The following RSF1 variants were observed in gnomAD, a reference collection of about 807,000 sequenced individuals.
RSF1 encodes HBV pX-associated protein 8.
In RSF1, 13 loss-of-function variants were observed where a neutral mutation model predicts 145.2. That is an observed-to-expected ratio of 0.09 (90% CI 0.06 to 0.14). The LOEUF (loss-of-function observed/expected upper bound fraction) is 0.14, where lower values mean the gene tolerates loss of function less well. Ranked by LOEUF, RSF1 falls within the 10% of genes least tolerant of loss-of-function variation. The probability of loss-of-function intolerance (pLI) is 1.00; values close to 1 mark genes in which losing one functional copy is unlikely to be tolerated. For missense variants in RSF1, 1,517 were observed against 1,718.2 expected, an observed-to-expected ratio of 0.88 and a Z score of 2.07; for synonymous variants, 577 against 592.6, an observed-to-expected ratio of 0.97 and a Z score of 0.38.
intron 1 of RSF1, among the ~76,000 whole-genome samples, chr11:77,791,584 A>G (rs1223504938): frequency 6.6e-6 from 1 of 152,148 alleles, no homozygotes. Flanking sequence ...GAATGCCTTT[A>G]ATAGCACCCA....
At position 77,820,695 on chromosome 11, in the gene RSF1, G is replaced by A; in HGVS notation, c.20C>T (p.Ala7Val). The change falls in exon 1 of 16, where the codon GCG (alanine) becomes GTG (valine). Residue 7 changes from alanine (A) to valine (V), a missense_variant. By Grantham distance (64) the Ala-to-Val change is moderately conservative (BLOSUM62 0). Around this residue, in one of 12 missense-constraint regions of RSF1, gnomAD observed 85 missense variants for 91.8 expected, o/e 0.93. Transcript: ENST00000308488. ...GCCCGGAGGAGCCATCACCGCCGCC[G>A]CTGCCGCCGCCGTCGCCATTTTGAA... MATAAA[A>V]AAVMAPPGCP... The A allele has an allele frequency of 1.9e-6, 3 of 1,550,336 alleles. No homozygotes were observed. The highest frequency in any genetic ancestry group is 2.4e-5 in the East Asian group (1 of 41,336).
chr11:77,791,826 T>A (rs1948520463), intron 1 of RSF1, among the ~76,000 whole-genome samples: 2 of 152,172 alleles, frequency 1.3e-5, no homozygotes, highest in African/African-American at 4.8e-5. Context: ...AGGCTTTTGG[T>A]CAAAGCCATT....
chr11:77,854,809 A>C, the RSF1 span, among the ~76,000 whole-genome samples: 1 of 152,222 alleles, frequency 6.6e-6, no homozygotes, highest in African/African-American at 2.4e-5. Context: ...GACTCTGTGT[A>C]GGGGCTCCAA....
the RSF1 span, among the ~76,000 whole-genome samples, chr11:77,840,840 G>A: frequency 1.1e-4 from 16 of 152,122 alleles, no homozygotes; most frequent in East Asian, 3.9e-4. Flanking sequence ...CCAGCCTGGC[G>A]AAACAACTTT....
chr11:77,815,640 A>AG (rs1401453662), intron 1 of RSF1, among the ~76,000 whole-genome samples: 3 of 152,194 alleles, frequency 2.0e-5, no homozygotes, highest in South Asian at 4.1e-4. Context: ...AAAATCTCAG[A>AG]GAAAAAAAAC....
chr11:77,865,692 T>A, the RSF1 span, among the ~76,000 whole-genome samples: 504 of 152,364 alleles, frequency 3.3e-3, 1 homozygote, highest in Non-Finnish European at 3.6e-3. Context: ...GTAAGTTGGC[T>A]AGCAGACTTT....
At chr11:77,827,903 G>A in the RSF1 span, among the ~76,000 whole-genome samples, 19,570 of 152,108 alleles carry the variant, frequency 0.13, 1,442 homozygotes, top group Admixed American at 0.19. Context: ...AGAACAAATA[G>A]GCAAGCACAT....
chr11:77,770,179 G>C (rs2135943702), intron 1 of RSF1, among the ~76,000 whole-genome samples: 1 of 152,296 alleles, frequency 6.6e-6, no homozygotes, highest in South Asian at 2.1e-4. Context: ...ATAGTACAGA[G>C]AGGCTGGGTG....
At chr11:77,775,625 A>T (rs1393276754) in intron 1 of RSF1, among the ~76,000 whole-genome samples, 1 of 152,206 alleles carries the variant, frequency 6.6e-6, no homozygotes, top group Non-Finnish European at 1.5e-5. Context: ...CATCATGTAT[A>T]TTCCATAGGT....
chr11:77,758,018 G>T (rs557747718), intron 2 of RSF1, among the ~76,000 whole-genome samples: 1 of 151,676 alleles, frequency 6.6e-6, no homozygotes, highest in African/African-American at 2.4e-5. Context: ...CTGTAGTTCC[G>T]GCTACTGGGG....
intron 5 of RSF1, among the ~76,000 whole-genome samples, chr11:77,712,796 T>C (rs991864345): frequency 1.3e-5 from 2 of 152,258 alleles, no homozygotes; most frequent in African/African-American, 2.4e-5. Flanking sequence ...TCTGAACTCA[T>C]AGATATTATT....
At chr11:77,748,836 C>T (rs1169615092) in intron 2 of RSF1, among the ~76,000 whole-genome samples, 3 of 152,122 alleles carry the variant, frequency 2.0e-5, no homozygotes, top group East Asian at 1.9e-4. Flanking sequence ...AAGAGGAAAA[C>T]GTACGTCTAC....
the RSF1 span, among the ~76,000 whole-genome samples, chr11:77,837,284 C>T: frequency 2.0e-5 from 3 of 151,886 alleles, no homozygotes; most frequent in East Asian, 2.0e-4. Context: ...TACAGGCACC[C>T]GCCACCACAC....
chr11:77,798,929 G>A (rs1027484009), intron 1 of RSF1, among the ~76,000 whole-genome samples: 1 of 148,554 alleles, frequency 6.7e-6, no homozygotes, highest in Non-Finnish European at 1.5e-5. Flanking sequence ...GAAACTGCAC[G>A]TTCTGCATAT....
chr11:77,851,898 T>C, the RSF1 span, among the ~76,000 whole-genome samples: 2 of 152,106 alleles, frequency 1.3e-5, no homozygotes, highest in South Asian at 4.1e-4. Flanking sequence ...CTGTTGAACT[T>C]CTTGAATTTG....
chr11:77,682,493 T>C (rs1959889917), intron 11 of RSF1, among the ~76,000 whole-genome samples: 1 of 152,206 alleles, frequency 6.6e-6, no homozygotes, highest in Non-Finnish European at 1.5e-5. Flanking sequence ...GACTGGAAGA[T>C]AGGGTTTTAG....
chr11:77,818,212 T>G (rs1054490153), intron 1 of RSF1, among the ~76,000 whole-genome samples: 1 of 152,188 alleles, frequency 6.6e-6, no homozygotes, highest in African/African-American at 2.4e-5. Context: ...ACTCTAATAT[T>G]GTATTCCTGT....
intron 3 of RSF1, among the ~76,000 whole-genome samples, chr11:77,742,155 T>C (rs1377820071): frequency 6.6e-6 from 1 of 152,258 alleles, no homozygotes; most frequent in African/African-American, 2.4e-5. Flanking sequence ...CCGTTGGATA[T>C]ATATCCAGCA....
At chr11:77,852,224 CAAAAA>C in the RSF1 span, among the ~76,000 whole-genome samples, 2 of 33,530 alleles carry the variant, frequency 6.0e-5, no homozygotes, top group African/African-American at 1.8e-4. Flanking sequence ...GACACTGTCT[CAAAAA>C]AAAAAAAAAA....
Sources: gnomAD v4.1 joint callset for allele counts (sites outside exome capture counted in the v4.1 genomes callset) on GRCh38, gnomAD v4.1.1 for gene constraint, gnomAD v4.1.1 regional missense constraint, MANE v1.5 for transcripts, NCBI Gene and HGNC (gene_info 2026-07-23, HGNC 2026-07-21) for gene names.